FBN2: variants seen among roughly 807,000 people sequenced by gnomAD.
FBN2 encodes the protein fibrillin-2.
FBN2 carries 105 observed loss-of-function variants against 355.6 expected under a neutral mutation model. That is an observed-to-expected ratio of 0.30 (90% CI 0.25 to 0.35). The LOEUF (loss-of-function observed/expected upper bound fraction) is 0.35. FBN2 is among the 10% of genes least tolerant of loss of function. The pLI is 1.00. For missense variants in FBN2, 3,280 were observed against 3,758.7 expected, an observed-to-expected ratio of 0.87 and a Z score of 3.33; for synonymous variants, 1,350 against 1,301.2, an observed-to-expected ratio of 1.04 and a Z score of -0.81.
intron 8 of FBN2, among the ~76,000 whole-genome samples, chr5:128,407,193 CAG>C (rs1370212907): frequency 6.6e-6 from 1 of 152,112 alleles, no homozygotes; most frequent in Non-Finnish European, 1.5e-5. Context: ...AGGCTGGAGT[CAG>C]AGAGGTCAGG....
At position 128,258,142 on chromosome 5, in the gene FBN2, A is replaced by C. The variant is rs1764865148; in HGVS notation, c.*1313T>G. ...TTGAGAGGAACAACCAGGAGCCTGC[A>C]TGTGCTTTGGCCATTTCACATATGA... On this transcript the variant is annotated 3_prime_UTR_variant, in exon 65 of 65. Coordinates refer to ENST00000262464, the MANE Select transcript of FBN2 (RefSeq NM_001999.4). 6.6e-6 allele frequency: 1 copy of C among 152,568 alleles called. No individual in the cohort carries two copies. Among genetic ancestry groups the C allele is most frequent in the Admixed American group, 6.6e-5 (1 of 15,262 alleles). The allele number at this position is 152,568 out of a possible 1,614,324, so 9.5% of individuals were successfully genotyped here.
chr5:128,259,561 T>C lies in FBN2; in HGVS notation c.8633A>G (p.Tyr2878Cys), dbSNP rs1561733715. ...YTLEITSIPL[Y>C]KKKELKKLEE... ...CAGTTTCTTAAGCTCCTTCTTCTTG[T>C]AGAGAGGGATGCTAGTGATTTCCAG... Residue 2878 changes from tyrosine (Y) to cysteine (C), a missense_variant, in exon 65 of 65, where the codon TAC becomes TGC. Around this residue, in one of 6 missense-constraint regions of FBN2, gnomAD observed 311 missense variants for 319.1 expected, o/e 0.97. Coordinates refer to ENST00000262464, the MANE Select transcript of FBN2 (RefSeq NM_001999.4). 1 of 1,614,032 alleles carries C rather than the reference T, an allele frequency of 6.2e-7. No homozygotes were observed. Among genetic ancestry groups the C allele is most frequent in the South Asian group, 1.1e-5 (1 of 91,068 alleles).
chr5:128,480,178 T>C (rs1755142347), intron 5 of FBN2, among the ~76,000 whole-genome samples: 1 of 146,032 alleles, frequency 6.8e-6, no homozygotes, highest in South Asian at 2.1e-4. Flanking sequence ...ATATATATTA[T>C]ATATTTTATA....
intron 5 of FBN2, among the ~76,000 whole-genome samples, chr5:128,505,472 G>A (rs1021608260): frequency 2.6e-5 from 4 of 152,086 alleles, no homozygotes; most frequent in Admixed American, 6.5e-5. Flanking sequence ...CAGCTTTCCC[G>A]AGGTATAATA....
intron 24 of FBN2, among the ~76,000 whole-genome samples, chr5:128,344,892 G>A (rs939458811): frequency 6.6e-6 from 1 of 151,004 alleles, no homozygotes; most frequent in Non-Finnish European, 1.5e-5. Flanking sequence ...GTAGAGACGG[G>A]GTTTCACCAT....
intron 48 of FBN2, among the ~76,000 whole-genome samples, chr5:128,294,673 T>G (rs2126825573): frequency 6.7e-6 from 1 of 148,966 alleles, no homozygotes; most frequent in African/African-American, 2.5e-5. Flanking sequence ...TTGCCCACTT[T>G]TTGATGGGGT....
intron 4 of FBN2, among the ~76,000 whole-genome samples, chr5:128,523,967 T>G (rs1194070305): frequency 2.0e-5 from 3 of 151,616 alleles, no homozygotes; most frequent in Non-Finnish European, 4.4e-5. Flanking sequence ...GACAGGTGAT[T>G]TTTTTTTAAT....
At chr5:128,379,222 G>A (rs1303749659) in intron 11 of FBN2, among the ~76,000 whole-genome samples, 1 of 152,056 alleles carries the variant, frequency 6.6e-6, no homozygotes, top group Non-Finnish European at 1.5e-5. Flanking sequence ...ACACCAATGT[G>A]GGCAAGTTAA....
intron 6 of FBN2, among the ~76,000 whole-genome samples, chr5:128,451,205 C>T (rs961376958): frequency 5.3e-5 from 8 of 152,186 alleles, no homozygotes; most frequent in Middle Eastern, 3.4e-3. Context: ...TTTCTTCCTC[C>T]TATTAGCTAT....
At chr5:128,270,373 C>T (rs1406062234) in intron 62 of FBN2, among the ~76,000 whole-genome samples, 72 of 151,872 alleles carry the variant, frequency 4.7e-4, no homozygotes. Flanking sequence ...ACTAAAAATA[C>T]AAAAAATGAG....
Position 128,537,886 on chromosome 5 carries a change from T to A in FBN2, c.-283A>T. Reference sequence around the variant, plus strand: ...AGCGGTACACGTTGCATAACCGGCCTAAAGCCCCGAGCGACTCCAGGACCG... The same window carrying A: ...AGCGGTACACGTTGCATAACCGGCCAAAAGCCCCGAGCGACTCCAGGACCG... On this transcript the variant is annotated 5_prime_UTR_variant, in exon 1 of 65. Coordinates refer to ENST00000262464, the MANE Select transcript of FBN2 (RefSeq NM_001999.4). The A allele has an allele frequency of 1.2e-5, 6 of 518,396 alleles. No homozygotes were observed. The highest frequency in any genetic ancestry group is 6.8e-5 in the Admixed American group (2 of 29,358). 32.1% of individuals were successfully genotyped at this position (518,396 alleles called of 1,614,324 possible).
intron 5 of FBN2, among the ~76,000 whole-genome samples, chr5:128,504,600 CT>C (rs1346380155): frequency 6.6e-6 from 1 of 152,184 alleles, no homozygotes; most frequent in Non-Finnish European, 1.5e-5. Flanking sequence ...CTTGTAGCCC[CT>C]TTGTTTTGAC....
intron 5 of FBN2, among the ~76,000 whole-genome samples, chr5:128,488,328 C>CTA (rs1755397550): frequency 6.6e-6 from 1 of 152,086 alleles, no homozygotes; most frequent in African/African-American, 2.4e-5. Flanking sequence ...TTGCCAGTGA[C>CTA]TATATATCAA....
At chr5:128,380,976 T>A (rs1752218552) in intron 11 of FBN2, among the ~76,000 whole-genome samples, 1 of 151,586 alleles carries the variant, frequency 6.6e-6, no homozygotes, top group Non-Finnish European at 1.5e-5. Context: ...ATGGAGAATG[T>A]TGATTATCAA....
chr5:128,511,244 G>T (rs555701142), intron 5 of FBN2, among the ~76,000 whole-genome samples: 1 of 152,146 alleles, frequency 6.6e-6, no homozygotes, highest in South Asian at 2.1e-4. Flanking sequence ...CCAGAATGAC[G>T]TTTGTGGAGA....
intron 7 of FBN2, chr5:128,442,475 C>A: frequency 2.9e-6 from 1 of 348,232 alleles, no homozygotes; most frequent in Non-Finnish European, 5.7e-6. Flanking sequence ...TTCCCTTCTT[C>A]ATTTAAATTA....
Position 128,494,458 on chromosome 5 carries a change from G to T in FBN2, c.628+24815C>A, listed in dbSNP as rs560402648. Among the ~76,000 whole-genome samples the T allele has an allele frequency of 7.2e-5, 11 of 152,252 alleles. No individual in the cohort carries two copies. In the South Asian group the frequency reaches 2.1e-3, roughly 29 times the overall value. On this transcript the variant is annotated intron_variant, in intron 5 of 64. Coordinates refer to ENST00000262464, the MANE Select transcript of FBN2 (RefSeq NM_001999.4). ...TCTTTTTGGAGTCAGAGGCTCAAAGGCTGGCCCCAAAAATTTATCCTGCAA... is the reference window on the plus strand; with the variant it reads ...TCTTTTTGGAGTCAGAGGCTCAAAGTCTGGCCCCAAAAATTTATCCTGCAA...
chr5:128,392,145 G>T lies in FBN2; in HGVS notation c.1476C>A (p.Asn492Lys). 6.2e-7 allele frequency: 1 copy of T among 1,613,258 alleles called. No homozygotes were observed. The highest frequency in any genetic ancestry group is 8.5e-7 in the Non-Finnish European group (1 of 1,179,410). Reference sequence around the variant, plus strand: ...GATGCTTACAGATATCTATTGTCTGGTTCAGAATTGCTACGGAAAATTAAA... The same window carrying T: ...GATGCTTACAGATATCTATTGTCTGTTTCAGAATTGCTACGGAAAATTAAA... ...GPIITGLTIL[N>K]QTIDICKHHA... is the part of the protein sequence containing the mutation. Residue 492 changes from asparagine (N) to lysine (K), a missense_variant, in exon 11 of 65, where the codon AAC becomes AAA. Asn to Lys is a moderately conservative substitution (Grantham distance 94). This residue lies in a region of FBN2 where 343 missense variants were observed against 331.0 expected (regional missense o/e 1.04). Coordinates refer to ENST00000262464, the MANE Select transcript of FBN2 (RefSeq NM_001999.4).
chr5:128,382,694 CT>C, intron 11 of FBN2, among the ~76,000 whole-genome samples: 1 of 152,190 alleles, frequency 6.6e-6, no homozygotes, highest in Non-Finnish European at 1.5e-5. Context: ...CAGCCAGAAA[CT>C]TGTGTATCAT....
Sources: gnomAD v4.1 joint callset for allele counts (sites outside exome capture counted in the v4.1 genomes callset) on GRCh38, gnomAD v4.1.1 for gene constraint, gnomAD v4.1.1 regional missense constraint, MANE v1.5 for transcripts, NCBI Gene and HGNC (gene_info 2026-07-23, HGNC 2026-07-21) for gene names.